Variants in SLC35F4 observed in about 807,000 individuals in gnomAD.
SLC35F4 encodes solute carrier family 35 member F4, also known as chromosome 14 open reading frame 36.
Under a neutral mutation model 44.2 loss-of-function variants are expected in SLC35F4, and 24 were observed. The ratio of observed to expected loss-of-function variants is 0.54; its 90% CI spans 0.39 to 0.76. The LOEUF is 0.76. Ranked by LOEUF, SLC35F4 falls within the 30% of genes least tolerant of loss-of-function variation. SLC35F4 has a pLI of 0.00. For synonymous variants in SLC35F4, 238 were observed against 223.6 expected (o/e 1.06, Z -0.57); for missense variants, 562 against 586.1 (o/e 0.96, Z 0.42).
chr14:57,664,315 A>G (rs1362820213), intron 1 of SLC35F4, among the ~76,000 whole-genome samples: 16 of 152,146 alleles, frequency 1.1e-4, no homozygotes, highest in Non-Finnish European at 2.2e-4. Flanking sequence ...AACAGGTAGC[A>G]TTGTTATTTG....
chr14:57,822,493 A>C (rs1883277116), intron 1 of SLC35F4, among the ~76,000 whole-genome samples: 1 of 152,208 alleles, frequency 6.6e-6, no homozygotes, highest in South Asian at 2.1e-4. Context: ...AGTCACCTAA[A>C]AAATTCTGGT....
chr14:57,571,946 A>T lies in SLC35F4; in HGVS notation c.881T>A (p.Ile294Asn). Residue 294 changes from isoleucine (I) to asparagine (N), a missense_variant, in exon 5 of 8, where the codon ATC (isoleucine) becomes AAC (asparagine). Physicochemically the swap from Ile to Asn is moderately radical, Grantham distance 149. Coordinates refer to ENST00000556826, the MANE Select transcript of SLC35F4 (RefSeq NM_001306087.2). Reference protein sequence around the residue: ...AYADNFHADSIIGVAFAVGSA... With the variant: ...AYADNFHADSNIGVAFAVGSA... ...GCCCACCGCAAATGCCACTCCTATG[A>T]TGGAATCAGCGTGGAAATTATCTGC... 6.2e-7 allele frequency: 1 copy of T among 1,612,720 alleles called. No individual in the cohort carries two copies. The highest frequency in any genetic ancestry group is 8.5e-7 in the Non-Finnish European group (1 of 1,179,312).
At chr14:57,616,206 T>C (rs1432233992) in intron 1 of SLC35F4, among the ~76,000 whole-genome samples, 7 of 152,204 alleles carry the variant, frequency 4.6e-5, no homozygotes, top group African/African-American at 1.7e-4. Context: ...TTCATACCTA[T>C]TCTCTTATTT....
chr14:57,647,498 G>A (rs1427230173), intron 1 of SLC35F4, among the ~76,000 whole-genome samples: 1 of 151,580 alleles, frequency 6.6e-6, no homozygotes, highest in East Asian at 1.9e-4. Flanking sequence ...CATTGTCTTG[G>A]AATGCTTGAA....
intron 1 of SLC35F4, among the ~76,000 whole-genome samples, chr14:57,840,061 C>T (rs528597029): frequency 6.6e-6 from 1 of 152,246 alleles, no homozygotes; most frequent in South Asian, 2.1e-4. Flanking sequence ...CCCCAGGCAC[C>T]GTGCTTAATG....
chr14:57,659,032 A>G (rs1480799664), intron 1 of SLC35F4, among the ~76,000 whole-genome samples: 2 of 152,168 alleles, frequency 1.3e-5, no homozygotes, highest in African/African-American at 2.4e-5. Flanking sequence ...GGGCTCTCAG[A>G]TATCATTGTC....
chr14:57,947,095 A>T (rs1431935542), intron 1 of SLC35F4, among the ~76,000 whole-genome samples: 1 of 151,988 alleles, frequency 6.6e-6, no homozygotes, highest in African/African-American at 2.4e-5. Flanking sequence ...CACGATATTG[A>T]TTCTACCTAT....
intron 1 of SLC35F4, among the ~76,000 whole-genome samples, chr14:57,861,166 T>A (rs1887645880): frequency 1.3e-5 from 2 of 152,172 alleles, no homozygotes; most frequent in Admixed American, 1.3e-4. Flanking sequence ...ACCTTCTCTA[T>A]CCTCCAGCCT....
At chr14:57,605,633 C>T (rs1333279312) in intron 1 of SLC35F4, among the ~76,000 whole-genome samples, 2 of 151,860 alleles carry the variant, frequency 1.3e-5, no homozygotes, top group African/African-American at 4.8e-5. Context: ...ATAAATTGTT[C>T]TACCAAAAAG....
chr14:57,743,083 G>A (rs2076658225), intron 1 of SLC35F4, among the ~76,000 whole-genome samples: 1 of 152,066 alleles, frequency 6.6e-6, no homozygotes, highest in African/African-American at 2.4e-5. Context: ...GTATGCAGAG[G>A]GAAATTTATA....
intron 2 of SLC35F4, among the ~76,000 whole-genome samples, chr14:57,589,973 A>T (rs1010922764): frequency 6.6e-6 from 1 of 152,158 alleles, no homozygotes; most frequent in African/African-American, 2.4e-5. Context: ...CGCCAAATAG[A>T]AGGTGTTCTT....
rs137921378 is a variant in SLC35F4 at position 57,950,863 on chromosome 14, C to T, written n.282+31050G>A. Among the ~76,000 whole-genome samples, 66 of 152,064 alleles carry T rather than the reference C, an allele frequency of 4.3e-4. 1 individual carries two copies. The East Asian group carries it at 9.3e-3, about 21-fold the overall frequency. ...TGTAGTTTTAGTAGAGATGGGGTTT[C>T]GCCATCTTGCCAAGGCTGGTCTTGA... On this transcript the variant is annotated intron_variant and non_coding_transcript_variant, in intron 1 of 1. Transcript: ENST00000556568.
At chr14:57,769,101 A>C (rs528323034) in intron 1 of SLC35F4, among the ~76,000 whole-genome samples, 1 of 152,270 alleles carries the variant, frequency 6.6e-6, no homozygotes, top group African/African-American at 2.4e-5. Context: ...AGGCAGCTAA[A>C]CTATCCCAGG....
chr14:57,573,135 T>C (rs930756454), intron 4 of SLC35F4, among the ~76,000 whole-genome samples: 2 of 152,206 alleles, frequency 1.3e-5, no homozygotes, highest in Non-Finnish European at 2.9e-5. Context: ...TATTAGTGAA[T>C]TGTTTTTTAT....
rs982792468 is a variant in SLC35F4, at chr14:57,855,350, C to A, written c.103+10373G>T. Among the ~76,000 whole-genome samples, 3 of 151,712 alleles carry A rather than the reference C, an allele frequency of 2.0e-5. No homozygotes were observed. The South Asian group carries it at 6.2e-4, about 32-fold the overall frequency. On this transcript the variant is annotated intron_variant, in intron 1 of 7. Coordinates refer to ENST00000556826, the MANE Select transcript of SLC35F4 (RefSeq NM_001306087.2). ...TAAACAAATTTACAAGAAAAAAAAA[C>A]AAACAAACCCATCAAAAAGTGGGCA...
chr14:57,821,862 A>G (rs1424517241), intron 1 of SLC35F4, among the ~76,000 whole-genome samples: 1 of 152,212 alleles, frequency 6.6e-6, no homozygotes, highest in African/African-American at 2.4e-5. Flanking sequence ...GCCAGCATAC[A>G]GGAAATCCAG....
At chr14:57,764,472 G>A (rs1373895117) in intron 1 of SLC35F4, among the ~76,000 whole-genome samples, 1 of 152,210 alleles carries the variant, frequency 6.6e-6, no homozygotes, top group Non-Finnish European at 1.5e-5. Context: ...TAGTTACAGT[G>A]ATTTTCAGCA....
In SLC35F4 at chr14:57,569,434, T is replaced by A. The variant is rs552127015; in HGVS notation, c.1126+354A>T. ...TGAGTTCTTTGAATGCACCGTCTACTCCCTAACCTCTGCCCAACACAGCAT... is the reference window on the plus strand; with the variant it reads ...TGAGTTCTTTGAATGCACCGTCTACACCCTAACCTCTGCCCAACACAGCAT... On this transcript the variant is annotated intron_variant, in intron 6 of 7. Transcript: ENST00000556826. 3.3e-5 allele frequency among the ~76,000 whole-genome samples: 5 copies of A among 152,238 alleles called. No homozygotes were observed. The South Asian group carries it at 1.0e-3, about 32-fold the overall frequency.
At chr14:57,767,735 T>C (rs919333806) in intron 1 of SLC35F4, among the ~76,000 whole-genome samples, 1 of 151,920 alleles carries the variant, frequency 6.6e-6, no homozygotes, top group Non-Finnish European at 1.5e-5. Context: ...ATCTTGATCA[T>C]TGAAAAAAAT....
Sources: gnomAD v4.1 joint callset for allele counts (sites outside exome capture counted in the v4.1 genomes callset) on GRCh38, gnomAD v4.1.1 for gene constraint, MANE v1.5 for transcripts, NCBI Gene and HGNC (gene_info 2026-07-23, HGNC 2026-07-21) for gene names.